PCDHGA9: variants seen among roughly 807,000 people sequenced by gnomAD.
PCDHGA9 encodes protocadherin gamma-A9.
Under a neutral mutation model 62.5 loss-of-function variants are expected in PCDHGA9, and 37 were observed. The ratio of observed to expected loss-of-function variants is 0.59; its 90% CI spans 0.46 to 0.78. The LOEUF (loss-of-function observed/expected upper bound fraction) is 0.78, where lower values mean the gene tolerates loss of function less well. PCDHGA9 is among the 30% of genes least tolerant of loss of function. PCDHGA9 has a pLI of 0.00. For missense variants in PCDHGA9, 1,138 were observed against 1,166.2 expected (o/e 0.98, Z 0.35); for synonymous variants, 459 against 484.6 (o/e 0.95, Z 0.69).
chr5:141,417,995 G>A (rs779307855), intron 1 of PCDHGA9: 74 of 1,613,786 alleles, frequency 4.6e-5, no homozygotes, highest in Admixed American at 1.7e-4. Flanking sequence ...CAAGGGCTCG[G>A]TGGTGGGGAA....
rs776721321 is a variant in PCDHGA9, at chr5:141,431,084, C to A, written c.2424+25708C>A. ...CAAGTGTCAATTAAATCTAGACATT[C>A]TGATGGAGGATAAAGTGAAAATATA... is the stretch of plus-strand genomic sequence containing the variant. On this transcript the variant is annotated intron_variant, in intron 1 of 3. Coordinates refer to ENST00000573521, the MANE Select transcript of PCDHGA9 (RefSeq NM_018921.3). This position sits in a 1 kb window ranked among gnomAD's most constrained non-coding sequence, Gnocchi z 4.8. The A allele has an allele frequency of 1.2e-6, 2 of 1,614,060 alleles. No homozygotes were observed. Among genetic ancestry groups the A allele is most frequent in the Non-Finnish European group, 1.7e-6 (2 of 1,180,002 alleles).
chr5:141,463,176 C>CA (rs2099054640), intron 1 of PCDHGA9, among the ~76,000 whole-genome samples: 1 of 152,100 alleles, frequency 6.6e-6, no homozygotes, highest in African/African-American at 2.4e-5. Flanking sequence ...TATGTATGCT[C>CA]AGATTATTAT....
rs778684539 is a variant in PCDHGA9 at position 141,477,205 on chromosome 5, G to A, written c.2425-17602G>A. ...CCTCCGTGTACAGCCCAGTACCCGA[G>A]GATGCCCCTCTGGGGACTGTCATCG... On this transcript the variant is annotated intron_variant, in intron 1 of 3. Transcript: ENST00000573521. The surrounding 1 kb of genome is among the most constrained non-coding windows in gnomAD (Gnocchi z 4.9). 1 of 1,614,184 alleles carries A rather than the reference G, an allele frequency of 6.2e-7. No homozygotes were observed. The highest frequency in any genetic ancestry group is 8.5e-7 in the Non-Finnish European group (1 of 1,180,042).
In PCDHGA9 at chr5:141,477,155, G is replaced by A. The variant is rs2099406190; in HGVS notation, c.2425-17652G>A. ...GTTGGTGGAGGTTGTGGATGTGAATGACAACGCCCCGGAGATCACAGTCAC... is the reference window on the plus strand; with the variant it reads ...GTTGGTGGAGGTTGTGGATGTGAATAACAACGCCCCGGAGATCACAGTCAC... On this transcript the variant is annotated intron_variant, in intron 1 of 3. Coordinates refer to ENST00000573521, the MANE Select transcript of PCDHGA9 (RefSeq NM_018921.3). The surrounding 1 kb of genome is among the most constrained non-coding windows in gnomAD (Gnocchi z 4.9). The A allele has an allele frequency of 6.2e-7, 1 of 1,614,190 alleles. No individual in the cohort carries two copies. The highest frequency in any genetic ancestry group is 8.5e-7 in the Non-Finnish European group (1 of 1,180,042).
rs1561869034 is a variant in PCDHGA9 at position 141,433,357 on chromosome 5, G to GT, written c.2424+27981_2424+27982insT. On this transcript the variant is annotated intron_variant, in intron 1 of 3. Transcript: ENST00000573521. ...TACAGGTGCAAGCCACCTACTGTCT[G>GT]CCTATCTATCTATCTATCTATCTAT... 125 of 569,056 alleles carry GT rather than the reference G, an allele frequency of 2.2e-4. No homozygotes were observed. In the African/African-American group the frequency reaches 2.4e-3, roughly 11 times the overall value. The allele number at this position is 569,056 out of a possible 1,614,324, so 35.3% of individuals were successfully genotyped here. A position where few individuals can be genotyped will look rare whatever the true frequency, so the allele number is the denominator to read the frequency against.
intron 1 of PCDHGA9, among the ~76,000 whole-genome samples, chr5:141,480,796 C>G (rs1007525949): frequency 2.6e-5 from 4 of 152,074 alleles, no homozygotes; most frequent in African/African-American, 7.2e-5. Flanking sequence ...ATTTGAAAAC[C>G]ACAGCTTTGG....
In PCDHGA9 at chr5:141,423,081, C is replaced by T. The variant is rs1393904828; in HGVS notation, c.2424+17705C>T. 3.1e-6 allele frequency: 5 copies of T among 1,613,966 alleles called. No individual in the cohort carries two copies. The African/African-American group carries it at 4.0e-5, about 13-fold the overall frequency. ...TTAAGGCCAGCGAGCCGGGACTCTT[C>T]GCGGTGGGGGAGCACACGGGCGAGG... is the stretch of plus-strand genomic sequence containing the variant. On this transcript the variant is annotated intron_variant, in intron 1 of 3. Coordinates refer to ENST00000573521, the MANE Select transcript of PCDHGA9 (RefSeq NM_018921.3).
chr5:141,427,109 C>A lies in PCDHGA9; in HGVS notation c.2424+21733C>A, dbSNP rs141512367. On this transcript the variant is annotated intron_variant, in intron 1 of 3. Coordinates refer to ENST00000573521, the MANE Select transcript of PCDHGA9 (RefSeq NM_018921.3). ...AGGATGAGGGTGTCAATGCGGAGAT[C>A]ACCTACTCTTTCAAATCCCTACGAG... 1,737 of 457,784 alleles carry A rather than the reference C, an allele frequency of 3.8e-3. 17 individuals carry two copies. Among genetic ancestry groups the A allele is most frequent in the Admixed American group, 0.01 (426 of 42,600 alleles). 28.4% of individuals were successfully genotyped at this position (457,784 alleles called of 1,614,324 possible). A position where few individuals can be genotyped will look rare whatever the true frequency, so the allele number is the denominator to read the frequency against.
chr5:141,421,831 G>C lies in PCDHGA9; in HGVS notation c.2424+16455G>C, dbSNP rs201283981. ...AGAGCTAGTACTGGAGGGAAGCCTG[G>C]ACCGAGAGAAAGAGGCTGCTCACCT... On this transcript the variant is annotated intron_variant, in intron 1 of 3. Transcript: ENST00000573521. 68 of 1,613,784 alleles carry C rather than the reference G, an allele frequency of 4.2e-5. 1 individual carries two copies. The East Asian group carries it at 1.4e-3, about 33-fold the overall frequency.
Position 141,421,724 on chromosome 5 carries a change from A to G in PCDHGA9, c.2424+16348A>G, listed in dbSNP as rs541532003. On this transcript the variant is annotated intron_variant, in intron 1 of 3. Transcript: ENST00000573521. ...GCTAGGGATCCAGATGTGGGCGTGA[A>G]CTCCCTCCAGAGCTACCAGCTCAGC... 250 of 1,613,766 alleles carry G rather than the reference A, an allele frequency of 1.5e-4. 5 individuals are homozygous for G. The South Asian group carries it at 2.6e-3, about 17-fold the overall frequency.
At chr5:141,498,709 A>G (rs1245852373) in intron 2 of PCDHGA9, among the ~76,000 whole-genome samples, 2 of 152,148 alleles carry the variant, frequency 1.3e-5, no homozygotes, top group African/African-American at 4.8e-5. Context: ...AGGTGGGTGG[A>G]TCACCTGAGG....
chr5:141,442,227 T>G (rs953690152), intron 1 of PCDHGA9: 16 of 153,240 alleles, frequency 1.0e-4, no homozygotes, highest in African/African-American at 3.6e-4. Context: ...TTAATTTCCT[T>G]TTTATTCTTC....
At chr5:141,433,358 C>CTAT (rs2097585632) in intron 1 of PCDHGA9, 108 of 504,044 alleles carry the variant, frequency 2.1e-4, no homozygotes, top group African/African-American at 2.0e-3. Flanking sequence ...CTACTGTCTG[C>CTAT]CTATCTATCT....
rs780843098 is a variant in PCDHGA9 at position 141,431,185 on chromosome 5, T to C, written c.2424+25809T>C. On this transcript the variant is annotated intron_variant, in intron 1 of 3. Coordinates refer to ENST00000573521, the MANE Select transcript of PCDHGA9 (RefSeq NM_018921.3). The surrounding 1 kb of genome is among the most constrained non-coding windows in gnomAD (Gnocchi z 4.8). ...GTGAAAGTGAATTAGAAATAAAAAT[T>C]AGTGAAAATGCAGCCACTGAGATGC... The C allele has an allele frequency of 3.1e-6, 5 of 1,613,982 alleles. No homozygotes were observed. The highest frequency in any genetic ancestry group is 4.2e-6 in the Non-Finnish European group (5 of 1,180,016).
chr5:141,485,714 G>C lies in PCDHGA9; in HGVS notation c.2425-9093G>C, dbSNP rs896709540. 6.2e-7 allele frequency: 1 copy of C among 1,614,064 alleles called. No homozygotes were observed. Among genetic ancestry groups the C allele is most frequent in the Non-Finnish European group, 8.5e-7 (1 of 1,180,050 alleles). On this transcript the variant is annotated intron_variant, in intron 1 of 3. Coordinates refer to ENST00000573521, the MANE Select transcript of PCDHGA9 (RefSeq NM_018921.3). The surrounding 1 kb of genome is among the most constrained non-coding windows in gnomAD (Gnocchi z 5.7). The stretch of plus-strand genomic sequence containing the variant: ...GAGCTCCAATGAACACTTTGCACTG[G>C]ATGTGAAGAAGCGCAGCGACGGCAG...
intron 1 of PCDHGA9, among the ~76,000 whole-genome samples, chr5:141,466,021 G>A (rs2099115061): frequency 6.6e-6 from 1 of 151,934 alleles, no homozygotes; most frequent in Admixed American, 6.6e-5. Flanking sequence ...ACTCGGGAGG[G>A]TGAGGCAGGA....
At chr5:141,463,650 A>C (rs1206605758) in intron 1 of PCDHGA9, among the ~76,000 whole-genome samples, 1 of 151,746 alleles carries the variant, frequency 6.6e-6, no homozygotes, top group Non-Finnish European at 1.5e-5. Flanking sequence ...ACGGGGTTTC[A>C]CCGTGTTAGC....
At chr5:141,504,517 T>C (rs1057166865) in intron 2 of PCDHGA9, among the ~76,000 whole-genome samples, 5 of 151,918 alleles carry the variant, frequency 3.3e-5, no homozygotes, top group African/African-American at 1.2e-4. Context: ...TCTCCTCTGA[T>C]ATATTTTATT....
At chr5:141,498,971 G>GGGAGGGAAGGAAGGAAGGAA (rs2099787588) in intron 2 of PCDHGA9, among the ~76,000 whole-genome samples, 11 of 111,048 alleles carry the variant, frequency 9.9e-5, no homozygotes, top group African/African-American at 3.2e-4. Context: ...GAGGGAGGGA[G>GGGAGGGAAGGAAGGAAGGAA]GGAAGGAAGG....
Sources: allele counts gnomAD v4.1 joint callset (sites outside exome capture counted in the v4.1 genomes callset), GRCh38; gene constraint gnomAD v4.1.1; non-coding constraint Gnocchi (gnomAD v3.1); transcripts MANE v1.5; gene names NCBI Gene and HGNC (gene_info 2026-07-23, HGNC 2026-07-21).